PCLO: variants seen among roughly 807,000 people sequenced by gnomAD.
PCLO encodes protein piccolo.
PCLO carries 82 observed loss-of-function variants against 427.5 expected under a neutral mutation model. The observed-to-expected ratio is 0.19, with a 90% CI of 0.16 to 0.23. The LOEUF (loss-of-function observed/expected upper bound fraction) is 0.23, where lower values mean the gene tolerates loss of function less well. Among genes scored for constraint, PCLO ranks in the 10% least tolerant of loss-of-function variants. The pLI, the probability that PCLO is intolerant of heterozygous loss-of-function variation, is 1.00. For missense variants in PCLO, 6,239 were observed against 6,115.9 expected (o/e 1.02, Z -0.67); for synonymous variants, 2,357 against 2,155.4 (o/e 1.09, Z -2.59).
chr7:83,145,597 C>T (rs988468442), intron 2 of PCLO, among the ~76,000 whole-genome samples: 1 of 152,226 alleles, frequency 6.6e-6, no homozygotes, highest in African/African-American at 2.4e-5. Flanking sequence ...AAATTCTTAA[C>T]CCCAGTTTTC....
Position 82,952,089 on chromosome 7 carries a change from G to C in PCLO, c.8864C>G (p.Ala2955Gly), listed in dbSNP as rs576297918. ...AGGAAGAGTAGTTGCAGGCTGCTGT[G>C]CTGTGCAGCTCCTTCCAAATGGTAA... The part of the protein sequence containing the change: ...YKLPFGRSCT[A>G]QQPATTLPED... The change falls in exon 5 of 25, where the codon GCA becomes GGA. Residue 2955 changes from alanine (A) to glycine (G), a missense_variant. Ala to Gly is a moderately conservative substitution (Grantham distance 60). Around this residue, in one of 5 missense-constraint regions of PCLO, gnomAD observed 4,677 missense variants for 4,468.4 expected, o/e 1.05. Coordinates refer to ENST00000333891, the MANE Select transcript of PCLO (RefSeq NM_033026.6). The C allele has an allele frequency of 1.1e-5, 17 of 1,613,922 alleles. No individual in the cohort carries two copies. The South Asian group carries it at 1.9e-4, about 18-fold the overall frequency.
intron 10 of PCLO, among the ~76,000 whole-genome samples, chr7:82,864,625 A>G (rs1418244263): frequency 6.6e-6 from 1 of 152,154 alleles, no homozygotes; most frequent in Non-Finnish European, 1.5e-5. Context: ...GGTTAGTTTC[A>G]GTTTCTTTTG....
intron 22 of PCLO, among the ~76,000 whole-genome samples, chr7:82,784,423 C>G: frequency 6.6e-6 from 1 of 152,146 alleles, no homozygotes; most frequent in East Asian, 1.9e-4. Flanking sequence ...CTTGTGAGGC[C>G]TTTCCGGATA....
intron 6 of PCLO, among the ~76,000 whole-genome samples, chr7:82,922,281 T>C (rs969296400): frequency 4.6e-5 from 7 of 151,974 alleles, no homozygotes; most frequent in African/African-American, 1.7e-4. Context: ...TAAAGACTCA[T>C]GCATGTGTAT....
At chr7:83,035,786 T>G (rs1349394366) in intron 3 of PCLO, among the ~76,000 whole-genome samples, 1 of 152,192 alleles carries the variant, frequency 6.6e-6, no homozygotes, top group Non-Finnish European at 1.5e-5. Context: ...ATAATGTGAA[T>G]TAACATCTAT....
At chr7:82,932,082 G>T (rs1363908490) in intron 6 of PCLO, among the ~76,000 whole-genome samples, 2 of 152,108 alleles carry the variant, frequency 1.3e-5, no homozygotes, top group Non-Finnish European at 2.9e-5. Flanking sequence ...TGTCATCAAG[G>T]CAGCAATTAT....
intron 4 of PCLO, among the ~76,000 whole-genome samples, chr7:82,964,759 T>C (rs1344839939): frequency 6.6e-6 from 1 of 152,116 alleles, no homozygotes; most frequent in Non-Finnish European, 1.5e-5. Context: ...AGACTATATA[T>C]AGGCATCTTT....
chr7:83,131,992 T>C (rs1791586407), intron 3 of PCLO, among the ~76,000 whole-genome samples: 1 of 152,160 alleles, frequency 6.6e-6, no homozygotes, highest in Admixed American at 6.5e-5. Flanking sequence ...TATGCATATA[T>C]ACACACATAT....
At chr7:83,075,977 T>G (rs1200166755) in intron 3 of PCLO, among the ~76,000 whole-genome samples, 1 of 152,054 alleles carries the variant, frequency 6.6e-6, no homozygotes. Flanking sequence ...TGCAGACCAT[T>G]TTAAATATAA....
intron 2 of PCLO, among the ~76,000 whole-genome samples, chr7:83,140,651 C>T (rs1013993113): frequency 6.6e-5 from 10 of 152,150 alleles, no homozygotes; most frequent in African/African-American, 2.4e-4. Flanking sequence ...ACTGTTTAGC[C>T]AATCTGTACA....
At chr7:83,021,430 A>G (rs1439090167) in intron 3 of PCLO, among the ~76,000 whole-genome samples, 1 of 152,172 alleles carries the variant, frequency 6.6e-6, no homozygotes, top group Non-Finnish European at 1.5e-5. Flanking sequence ...TGGACACATT[A>G]TGTAAAGTTT....
intron 18 of PCLO, 69 bp downstream of exon 18, chr7:82,826,520 G>T: frequency 9.9e-7 from 1 of 1,007,578 alleles, no homozygotes; most frequent in Non-Finnish European, 1.5e-6. Flanking sequence ...TCAGAAACAT[G>T]CTTTGCATCG....
At chr7:82,857,608 A>G (rs1479099610) in intron 10 of PCLO, among the ~76,000 whole-genome samples, 1 of 152,114 alleles carries the variant, frequency 6.6e-6, no homozygotes, top group Admixed American at 6.6e-5. Flanking sequence ...TATAAATTTC[A>G]TTTTATAACA....
At chr7:82,813,940 A>G (rs1791623977) in intron 20 of PCLO, among the ~76,000 whole-genome samples, 3 of 151,868 alleles carry the variant, frequency 2.0e-5, no homozygotes, top group South Asian at 2.1e-4. Context: ...TGTTATGCCA[A>G]TACAATTAAT....
At chr7:83,139,204 TG>T (rs1185754607) in intron 2 of PCLO, among the ~76,000 whole-genome samples, 1 of 152,004 alleles carries the variant, frequency 6.6e-6, no homozygotes, top group Non-Finnish European at 1.5e-5. Context: ...GTACAATGAA[TG>T]AAGACAAGGT....
chr7:82,945,481 A>G (rs553825021), intron 6 of PCLO, among the ~76,000 whole-genome samples: 1 of 152,340 alleles, frequency 6.6e-6, no homozygotes, highest in African/African-American at 2.4e-5. Flanking sequence ...TTACAGAGGT[A>G]ATCAAGTTAA....
intron 3 of PCLO, among the ~76,000 whole-genome samples, chr7:83,045,716 AG>A (rs953336350): frequency 3.3e-5 from 5 of 152,152 alleles, no homozygotes; most frequent in African/African-American, 1.2e-4. Flanking sequence ...CTAGAAATAT[AG>A]AAAAATGAGG....
chr7:83,090,974 A>G (rs1408334094), intron 3 of PCLO, among the ~76,000 whole-genome samples: 1 of 152,128 alleles, frequency 6.6e-6, no homozygotes, highest in East Asian at 1.9e-4. Context: ...TTTGGTACCA[A>G]TTAGAAACAC....
At position 82,915,132 on chromosome 7, in the gene PCLO, C is replaced by T; in HGVS notation, c.12854G>A (p.Ser4285Asn). The stretch of plus-strand genomic sequence containing the variant: ...GGAGGAAGGTCTGGACCTGCTGCCA[C>T]TACTGTATGGCTTATCCGCTTCATC... ...LQDEADKPYS[S>N]GSRSRPSSRP... Residue 4285 changes from serine to asparagine, a missense_variant, in exon 7 of 25, where the codon AGT becomes AAT. Coordinates refer to ENST00000333891, the MANE Select transcript of PCLO (RefSeq NM_033026.6). The T allele has an allele frequency of 6.3e-7, 1 of 1,590,574 alleles. No homozygotes were observed. Among genetic ancestry groups the T allele is most frequent in the Non-Finnish European group, 8.6e-7 (1 of 1,167,510 alleles).
Sources: allele counts gnomAD v4.1 joint callset (sites outside exome capture counted in the v4.1 genomes callset), GRCh38; gene constraint gnomAD v4.1.1; regional missense constraint gnomAD v4.1.1; transcripts MANE v1.5; gene names NCBI Gene and HGNC (gene_info 2026-07-23, HGNC 2026-07-21).